The following ARL15 variants were observed in gnomAD, a reference collection of about 807,000 sequenced individuals.
The protein encoded by ARL15 is ADP-ribosylation factor-like protein 15.
A neutral mutation model predicts 25.2 loss-of-function variants in ARL15; 19 were observed. That is an observed-to-expected ratio of 0.75 (90% CI 0.53 to 1.10). The LOEUF (loss-of-function observed/expected upper bound fraction) is 1.10, where lower values mean the gene tolerates loss of function less well. Ranked by LOEUF, ARL15 falls within the 50% of genes least tolerant of loss-of-function variation. ARL15 has a pLI of 0.00. For missense variants in ARL15, 220 were observed against 246.0 expected (o/e 0.89, Z 0.71); for synonymous variants, 94 against 86.8 (o/e 1.08, Z -0.46).
intron 2 of ARL15, among the ~76,000 whole-genome samples, chr5:54,155,574 TATTC>T (rs1191507311): frequency 9.2e-5 from 14 of 152,214 alleles, no homozygotes; most frequent in African/African-American, 2.6e-4. Flanking sequence ...TATAAGAAAA[TATTC>T]AGAGTATACA....
At chr5:54,019,205 G>A (rs187498400) in intron 4 of ARL15, among the ~76,000 whole-genome samples, 99 of 151,358 alleles carry the variant, frequency 6.5e-4, no homozygotes, top group African/African-American at 2.1e-3. Context: ...CAGTTGAGAC[G>A]TACCTAAGTT....
At chr5:54,146,138 T>C (rs1363723438) in intron 3 of ARL15, among the ~76,000 whole-genome samples, 1 of 152,014 alleles carries the variant, frequency 6.6e-6, no homozygotes, top group Non-Finnish European at 1.5e-5. Flanking sequence ...TTTTTTATTT[T>C]ATGTATATAC....
intron 1 of ARL15, among the ~76,000 whole-genome samples, chr5:54,225,579 G>C (rs943069523): frequency 2.6e-5 from 4 of 152,146 alleles, no homozygotes; most frequent in Non-Finnish European, 5.9e-5. Flanking sequence ...GGAATGAGAG[G>C]CTCTTGTGAA....
intron 4 of ARL15, among the ~76,000 whole-genome samples, chr5:54,014,066 T>C (rs927857105): frequency 1.3e-5 from 2 of 152,234 alleles, no homozygotes; most frequent in Non-Finnish European, 2.9e-5. Flanking sequence ...CTGAAACTTT[T>C]TGAGTGCTGA....
intron 4 of ARL15, among the ~76,000 whole-genome samples, chr5:53,977,166 G>A (rs999003897): frequency 1.3e-5 from 2 of 151,988 alleles, no homozygotes; most frequent in African/African-American, 4.8e-5. Flanking sequence ...AGACCATCCT[G>A]ATAACATGGT....
intron 1 of ARL15, among the ~76,000 whole-genome samples, chr5:54,303,239 G>C (rs1298479514): frequency 6.6e-6 from 1 of 152,064 alleles, no homozygotes; most frequent in Non-Finnish European, 1.5e-5. Context: ...AAAAGAAATG[G>C]GGCTGGGCAC....
chr5:54,248,407 T>A (rs6450181), intron 1 of ARL15, among the ~76,000 whole-genome samples: 1 of 152,032 alleles, frequency 6.6e-6, no homozygotes, highest in Non-Finnish European at 1.5e-5. Flanking sequence ...GCTGTTCACT[T>A]ACTAACCAAG....
chr5:53,958,414 A>G (rs1747243905), intron 4 of ARL15, among the ~76,000 whole-genome samples: 1 of 152,180 alleles, frequency 6.6e-6, no homozygotes, highest in Non-Finnish European at 1.5e-5. Context: ...CACTAGGAAA[A>G]TGTCTTTAAA....
chr5:54,090,581 T>C lies in ARL15; in HGVS notation c.462+22621A>G, dbSNP rs557129774. ...ATGTGGGTAGTGGAGACATTGCCATTTGCTCTAATACTACTCTTTAAACTA... is the reference window on the plus strand; with the variant it reads ...ATGTGGGTAGTGGAGACATTGCCATCTGCTCTAATACTACTCTTTAAACTA... On this transcript the variant is annotated intron_variant, in intron 4 of 4. Coordinates refer to ENST00000504924, the MANE Select transcript of ARL15 (RefSeq NM_019087.3). 5.3e-5 allele frequency among the ~76,000 whole-genome samples: 8 copies of C among 152,160 alleles called. No homozygotes were observed. The South Asian group carries it at 1.7e-3, about 32-fold the overall frequency.
At chr5:54,162,190 C>G (rs191374807) in intron 2 of ARL15, among the ~76,000 whole-genome samples, 1 of 152,170 alleles carries the variant, frequency 6.6e-6, no homozygotes, top group African/African-American at 2.4e-5. Flanking sequence ...ATTCGCCAAC[C>G]CTTCTCTACC....
intron 4 of ARL15, among the ~76,000 whole-genome samples, chr5:54,073,244 A>G (rs1751481419): frequency 6.6e-6 from 1 of 152,206 alleles, no homozygotes; most frequent in African/African-American, 2.4e-5. Context: ...CAAGTTTAGC[A>G]ATCTGTCACT....
chr5:53,893,335 G>A lies in ARL15; in HGVS notation c.463-6622C>T, dbSNP rs562941277. ...AAAGGGACACATTTAGGCTGGGCAC[G>A]GTGGCTCACGCCTGTAATCCCAGCA... is the stretch of plus-strand genomic sequence containing the variant. On this transcript the variant is annotated intron_variant, in intron 4 of 4. Coordinates refer to ENST00000504924, the MANE Select transcript of ARL15 (RefSeq NM_019087.3). Among the ~76,000 whole-genome samples, 202 of 58,450 alleles carry A rather than the reference G, an allele frequency of 3.5e-3. 2 individuals are homozygous for A. The highest frequency in any genetic ancestry group is 7.6e-3 in the African/African-American group (183 of 23,958). 38.3% of individuals were successfully genotyped at this position (58,450 alleles called of 152,430 possible). A position where few individuals can be genotyped will look rare whatever the true frequency, so the allele number is the denominator to read the frequency against.
At chr5:54,289,517 C>T (rs1758270556) in intron 1 of ARL15, among the ~76,000 whole-genome samples, 1 of 152,162 alleles carries the variant, frequency 6.6e-6, no homozygotes, top group Non-Finnish European at 1.5e-5. Context: ...CTTGCATAGG[C>T]AAACACAGTA....
chr5:53,938,287 T>C (rs1263701038), intron 4 of ARL15, among the ~76,000 whole-genome samples: 1 of 152,118 alleles, frequency 6.6e-6, no homozygotes, highest in Non-Finnish European at 1.5e-5. Context: ...TGGCTTATAA[T>C]GCCTGTGACA....
In ARL15 at chr5:54,061,304, T is replaced by G. The variant is rs540805955; in HGVS notation, c.462+51898A>C. ...ATGTGGTGTTGAGCTTGAGGCTGCA[T>G]AGAAGTCAAGAATTGAAGTTTGGGG... On this transcript the variant is annotated intron_variant, in intron 4 of 4. Coordinates refer to ENST00000504924, the MANE Select transcript of ARL15 (RefSeq NM_019087.3). Among the ~76,000 whole-genome samples the G allele has an allele frequency of 2.6e-5, 4 of 152,238 alleles. No homozygotes were observed. The South Asian group carries it at 8.3e-4, about 32-fold the overall frequency.
intron 1 of ARL15, among the ~76,000 whole-genome samples, chr5:54,180,106 A>C (rs1755012642): frequency 6.6e-6 from 1 of 152,068 alleles, no homozygotes; most frequent in African/African-American, 2.4e-5. Flanking sequence ...ATCTCTTTTG[A>C]AACAGCCTCA....
chr5:54,140,418 A>AGATAGGC (rs1753737479), intron 3 of ARL15, among the ~76,000 whole-genome samples: 1 of 52,974 alleles, frequency 1.9e-5, no homozygotes, highest in Admixed American at 1.6e-4. Flanking sequence ...GTGGATAGAC[A>AGATAGGC]GATAGATAGA....
At chr5:54,111,653 C>T (rs1014203237) in intron 4 of ARL15, among the ~76,000 whole-genome samples, 2 of 151,952 alleles carry the variant, frequency 1.3e-5, no homozygotes, top group Non-Finnish European at 2.9e-5. Context: ...TAAAATGGCA[C>T]TTATATCTAT....
chr5:54,016,043 G>A (rs1440202114), intron 4 of ARL15, among the ~76,000 whole-genome samples: 1 of 151,974 alleles, frequency 6.6e-6, no homozygotes, highest in African/African-American at 2.4e-5. Flanking sequence ...CTGTAGCTGA[G>A]GATGTTCTAT....
Sources: allele counts gnomAD v4.1 joint callset (sites outside exome capture counted in the v4.1 genomes callset), GRCh38; gene constraint gnomAD v4.1.1; transcripts MANE v1.5; gene names NCBI Gene and HGNC (gene_info 2026-07-23, HGNC 2026-07-21).